The following OR9Q1 variants were observed in gnomAD, a reference collection of about 807,000 sequenced individuals.
OR9Q1 encodes olfactory receptor 9Q1.
For missense variants in OR9Q1, 374 were observed against 378.8 expected, an observed-to-expected ratio of 0.99 and a Z score of 0.11; for synonymous variants, 153 against 148.6, an observed-to-expected ratio of 1.03 and a Z score of -0.22.
intron 2 of OR9Q1, chr11:58,077,512 G>A (rs1853548770): frequency 6.6e-6 from 1 of 152,154 alleles, no homozygotes; most frequent in South Asian, 2.1e-4. Flanking sequence ...TACTTCACAT[G>A]TCTGAAGATG....
intron 2 of OR9Q1, among the ~76,000 whole-genome samples, chr11:58,110,025 G>A (rs1447169): frequency 0.22 from 33,140 of 152,100 alleles, 4,793 homozygotes; most frequent in East Asian, 0.58. Flanking sequence ...GTGTGCATGA[G>A]GGCTGCCTCT....
At chr11:58,142,156 T>A (rs1391838328) in intron 2 of OR9Q1, among the ~76,000 whole-genome samples, 2 of 152,152 alleles carry the variant, frequency 1.3e-5, no homozygotes, top group Admixed American at 6.6e-5. Context: ...ATACTTTTAA[T>A]TCCTCATACT....
intron 2 of OR9Q1, chr11:58,119,300 T>C: frequency 6.2e-7 from 1 of 1,613,870 alleles, no homozygotes; most frequent in Non-Finnish European, 8.5e-7. Flanking sequence ...TCTACTTGGA[T>C]TAACATAATC....
chr11:58,152,844 C>CA (rs1159194211), intron 2 of OR9Q1, among the ~76,000 whole-genome samples: 2 of 152,102 alleles, frequency 1.3e-5, no homozygotes, highest in Non-Finnish European at 2.9e-5. Flanking sequence ...TTATGTCTCA[C>CA]ATCTTGAATC....
chr11:58,120,803 CAT>C (rs61634454), intron 2 of OR9Q1, among the ~76,000 whole-genome samples: 10,386 of 132,534 alleles, frequency 0.078, 661 homozygotes, highest in African/African-American at 0.18. Flanking sequence ...ATTTCAATAC[CAT>C]ATATATATAT....
intron 2 of OR9Q1, among the ~76,000 whole-genome samples, chr11:58,098,086 T>TA (rs1418446068): frequency 6.6e-6 from 1 of 152,172 alleles, no homozygotes; most frequent in Non-Finnish European, 1.5e-5. Flanking sequence ...TAAAGCTAAC[T>TA]AAAAAAACAA....
At chr11:58,045,280 T>G (rs778548013) in intron 1 of OR9Q1, 3 of 152,294 alleles carry the variant, frequency 2.0e-5, no homozygotes, top group Admixed American at 2.0e-4. Context: ...TCACCCAGGC[T>G]GGAGTTCAGT....
intron 2 of OR9Q1, among the ~76,000 whole-genome samples, chr11:58,156,025 G>C (rs1854404608): frequency 6.6e-6 from 1 of 150,666 alleles, no homozygotes; most frequent in Non-Finnish European, 1.5e-5. Flanking sequence ...CAATTCTCCT[G>C]CCTCAGCCTC....
At chr11:58,026,676 T>A (rs2119899077) in intron 1 of OR9Q1, 1 of 99,704 alleles carries the variant, frequency 1.0e-5, no homozygotes. Flanking sequence ...AGCAAGACTC[T>A]GTAACCAAAA....
chr11:58,024,241 C>T (rs1339377328), intron 1 of OR9Q1, 137 bp downstream of exon 1: 1 of 152,440 alleles, frequency 6.6e-6, no homozygotes, highest in East Asian at 1.9e-4. Context: ...ATGAGCTAGA[C>T]CCAAGAGGAA....
rs985463903 is a variant in OR9Q1, at chr11:58,113,392, A to T, written c.-15+57445A>T. On this transcript the variant is annotated intron_variant, in intron 2 of 2. Transcript: ENST00000335397. ...ACAGATTCATGAAAGTACAAACCAGAACTAACAAGTCCAGGATGGGACCAT... is the reference window on the plus strand; with the variant it reads ...ACAGATTCATGAAAGTACAAACCAGTACTAACAAGTCCAGGATGGGACCAT... Among the ~76,000 whole-genome samples the T allele has an allele frequency of 7.9e-5, 12 of 152,244 alleles. 1 individual carries two copies. The highest frequency in any genetic ancestry group is 2.9e-4 in the African/African-American group (12 of 41,566).
At chr11:58,119,548 T>C in intron 2 of OR9Q1, 5 of 758,232 alleles carry the variant, frequency 6.6e-6, no homozygotes, top group African/African-American at 1.7e-5. Context: ...TTGGTTTTAA[T>C]TCTGGGTCTA....
At chr11:58,058,376 C>T (rs548516189) in intron 2 of OR9Q1, among the ~76,000 whole-genome samples, 2 of 152,334 alleles carry the variant, frequency 1.3e-5, no homozygotes, top group South Asian at 2.1e-4. Context: ...ATCCAGACCA[C>T]CTGTATCCCT....
Position 58,063,124 on chromosome 11 carries a change from A to G in OR9Q1, c.-15+7177A>G, listed in dbSNP as rs576208022. Among the ~76,000 whole-genome samples the G allele has an allele frequency of 1.3e-3, 205 of 152,244 alleles. 1 individual carries two copies. Among genetic ancestry groups the G allele is most frequent in the African/African-American group, 4.8e-3 (199 of 41,546 alleles). The stretch of plus-strand genomic sequence containing the variant: ...AATAGTAACCAGTACAAAAAGAGGG[A>G]GCAGTTTCATATAGGGCAGTTTCCC... On this transcript the variant is annotated intron_variant, in intron 2 of 2. Coordinates refer to ENST00000335397, the MANE Select transcript of OR9Q1 (RefSeq NM_001005212.4).
chr11:58,081,793 C>CTTTTTTTTTTTTT (rs201892501), intron 2 of OR9Q1, among the ~76,000 whole-genome samples: 1 of 128,154 alleles, frequency 7.8e-6, no homozygotes, highest in Admixed American at 8.0e-5. Context: ...ATGATAGTTT[C>CTTTTTTTTTTTTT]TTTTTTTTTT....
In OR9Q1 at chr11:58,179,573, A is replaced by C; in HGVS notation, c.129A>C (p.Leu43Phe). The change falls in exon 3 of 3, where the codon TTA becomes TTC. Residue 43 changes from leucine (L) to phenylalanine (F), a missense_variant. Physicochemically the swap from Leu to Phe is conservative, Grantham distance 22 (BLOSUM62 0). Transcript: ENST00000335397. ...FMYLITVLGNLEMIILILMDH... is the reference protein window; with the variant it reads ...FMYLITVLGNFEMIILILMDH... ...ATCTCATCACCGTATTGGGGAACTT[A>C]GAGATGATTATTCTGATCCTCATGG... The C allele has an allele frequency of 6.2e-7, 1 of 1,613,758 alleles. No individual in the cohort carries two copies. Among genetic ancestry groups the C allele is most frequent in the South Asian group, 1.1e-5 (1 of 90,998 alleles).
intron 2 of OR9Q1, among the ~76,000 whole-genome samples, chr11:58,127,337 C>T (rs1252633789): frequency 6.6e-6 from 1 of 152,108 alleles, no homozygotes; most frequent in African/African-American, 2.4e-5. Context: ...GAATTTTGGG[C>T]AAGTGCCTCA....
intron 2 of OR9Q1, among the ~76,000 whole-genome samples, chr11:58,166,433 T>A (rs1471890986): frequency 2.0e-5 from 3 of 152,260 alleles, no homozygotes; most frequent in Non-Finnish European, 2.9e-5. Context: ...TTTTATATCA[T>A]CTTCTGCAAC....
At chr11:58,141,899 G>C (rs1252720106) in intron 2 of OR9Q1, among the ~76,000 whole-genome samples, 5 of 152,152 alleles carry the variant, frequency 3.3e-5, no homozygotes, top group African/African-American at 1.2e-4. Flanking sequence ...TCTGTTATCA[G>C]AAGGCTAACA....
Sources: allele counts gnomAD v4.1 joint callset (sites outside exome capture counted in the v4.1 genomes callset), GRCh38; gene constraint gnomAD v4.1.1; transcripts MANE v1.5; gene names NCBI Gene and HGNC (gene_info 2026-07-23, HGNC 2026-07-21).